TAFA5: variants seen among roughly 807,000 people sequenced by gnomAD.
The protein encoded by TAFA5 is TAFA chemokine like family member 5, also known as chemokine-like protein TAFA-5.
In TAFA5, 6 loss-of-function variants were observed where a neutral mutation model predicts 15.3. The ratio of observed to expected loss-of-function variants is 0.39; its 90% CI spans 0.21 to 0.77. The LOEUF is 0.77. TAFA5 is among the 30% of genes least tolerant of loss of function. The probability of loss-of-function intolerance (pLI) is 0.41; values close to 1 mark genes in which losing one functional copy is unlikely to be tolerated. For missense variants in TAFA5, 161 were observed against 193.1 expected (o/e 0.83, Z 0.98); for synonymous variants, 103 against 80.7 (o/e 1.28, Z -1.48).
intron 1 of TAFA5, among the ~76,000 whole-genome samples, chr22:48,620,516 A>G (rs1925762092): frequency 6.6e-6 from 1 of 150,472 alleles, no homozygotes; most frequent in South Asian, 2.1e-4. Flanking sequence ...TTGTTCTTCT[A>G]TTTTTGTTTT....
intron 3 of TAFA5, among the ~76,000 whole-genome samples, chr22:48,718,390 G>A (rs1929468812): frequency 6.6e-6 from 1 of 152,170 alleles, no homozygotes; most frequent in South Asian, 2.1e-4. Context: ...GGTGGCTGTG[G>A]TTGTGGAGGG....
intron 2 of TAFA5, among the ~76,000 whole-genome samples, chr22:48,671,089 A>G (rs1002618679): frequency 4.6e-5 from 7 of 152,156 alleles, no homozygotes; most frequent in Non-Finnish European, 1.0e-4. Flanking sequence ...ACTGTGCCGT[A>G]TGCTCACACT....
At chr22:48,687,458 T>A (rs932614912) in intron 2 of TAFA5, among the ~76,000 whole-genome samples, 6 of 148,008 alleles carry the variant, frequency 4.1e-5, no homozygotes, top group Admixed American at 4.0e-4. Context: ...TGGGGGGGCA[T>A]CTGTGGATGG....
At chr22:48,693,229 T>C in intron 2 of TAFA5, 1 of 1,480,100 alleles carries the variant, frequency 6.8e-7, no homozygotes, top group Non-Finnish European at 9.2e-7. Context: ...CAGAGCAGCC[T>C]GGCAGGATGA....
chr22:48,540,426 C>T (rs1922323814), intron 1 of TAFA5, among the ~76,000 whole-genome samples: 1 of 152,140 alleles, frequency 6.6e-6, no homozygotes, highest in Non-Finnish European at 1.5e-5. Context: ...TGACACCCGC[C>T]ATGGGAACGA....
At chr22:48,591,551 G>T (rs1469430015) in intron 1 of TAFA5, among the ~76,000 whole-genome samples, 1 of 152,268 alleles carries the variant, frequency 6.6e-6, no homozygotes, top group Non-Finnish European at 1.5e-5. Flanking sequence ...GAGTCATCCT[G>T]CTGGCGCAGG....
chr22:48,691,518 C>G (rs1928540554), intron 2 of TAFA5, among the ~76,000 whole-genome samples: 1 of 152,110 alleles, frequency 6.6e-6, no homozygotes, highest in Non-Finnish European at 1.5e-5. Context: ...TGCTGAGCAC[C>G]CAGGGCAGAT....
At chr22:48,674,683 C>A (rs555748386) in intron 2 of TAFA5, among the ~76,000 whole-genome samples, 1 of 152,204 alleles carries the variant, frequency 6.6e-6, no homozygotes, top group Non-Finnish European at 1.5e-5. Flanking sequence ...CCACACCCCC[C>A]ACAGAAGGAG....
At chr22:48,576,554 C>G in intron 1 of TAFA5, 2 of 1,510,604 alleles carry the variant, frequency 1.3e-6, no homozygotes, top group East Asian at 2.7e-5. Flanking sequence ...GTGATCCACG[C>G]GCAGTTCCTC....
intron 3 of TAFA5, among the ~76,000 whole-genome samples, chr22:48,727,500 A>C (rs1220313568): frequency 6.6e-6 from 1 of 152,250 alleles, no homozygotes; most frequent in East Asian, 1.9e-4. Flanking sequence ...ACTGAGAGTA[A>C]AAAGCAAGTG....
At chr22:48,663,423 A>AGGCAAAG (rs980683548) in intron 2 of TAFA5, among the ~76,000 whole-genome samples, 1 of 152,152 alleles carries the variant, frequency 6.6e-6, no homozygotes, top group Admixed American at 6.5e-5. Flanking sequence ...ACGCAACTGT[A>AGGCAAAG]GGCAAAGGGC....
chr22:48,627,596 G>A (rs2147186729), intron 1 of TAFA5, among the ~76,000 whole-genome samples: 1 of 152,350 alleles, frequency 6.6e-6, no homozygotes, highest in Non-Finnish European at 1.5e-5. Context: ...TTCTTAATGG[G>A]GGCGAGTAGC....
At chr22:48,656,463 G>A (rs1266102676) in intron 2 of TAFA5, among the ~76,000 whole-genome samples, 4 of 151,142 alleles carry the variant, frequency 2.6e-5, no homozygotes, top group African/African-American at 7.3e-5. Flanking sequence ...CCGAGATCGC[G>A]TCACTGAACT....
intron 1 of TAFA5, among the ~76,000 whole-genome samples, chr22:48,553,198 G>A (rs913036004): frequency 7.9e-5 from 12 of 151,978 alleles, no homozygotes; most frequent in African/African-American, 2.7e-4. Flanking sequence ...AGCCCTCCTG[G>A]ACCACCTTGA....
At chr22:48,575,331 C>T (rs1185527350) in intron 1 of TAFA5, among the ~76,000 whole-genome samples, 2 of 151,196 alleles carry the variant, frequency 1.3e-5, no homozygotes, top group African/African-American at 4.8e-5. Context: ...AGGGCGGGGT[C>T]CCCGGGGTCC....
intron 1 of TAFA5, among the ~76,000 whole-genome samples, chr22:48,610,561 C>T (rs926409624): frequency 3.6e-5 from 4 of 111,420 alleles, no homozygotes; most frequent in Non-Finnish European, 8.9e-5. Flanking sequence ...GCAGGCAGCT[C>T]GGGACCACCA....
chr22:48,744,046 G>A lies in TAFA5; in HGVS notation c.391-5793G>A, dbSNP rs536485775. Among the ~76,000 whole-genome samples the A allele has an allele frequency of 5.3e-5, 8 of 152,292 alleles. No individual in the cohort carries two copies. The East Asian group carries it at 5.8e-4, about 11-fold the overall frequency. Reference sequence around the variant, plus strand: ...TGCCGTCGGGGAAGCTCCGAGTTGCGCCTGCCAAGGCTGTTCTGTCGAGAT... The same window carrying A: ...TGCCGTCGGGGAAGCTCCGAGTTGCACCTGCCAAGGCTGTTCTGTCGAGAT... On this transcript the variant is annotated intron_variant, in intron 3 of 3. Transcript: ENST00000402357.
intron 1 of TAFA5, among the ~76,000 whole-genome samples, chr22:48,606,421 G>A (rs959211895): frequency 6.6e-6 from 1 of 152,212 alleles, no homozygotes; most frequent in African/African-American, 2.4e-5. Context: ...TAAGCAGCAG[G>A]CAGGATGATT....
intron 1 of TAFA5, among the ~76,000 whole-genome samples, chr22:48,579,195 G>A (rs1329646359): frequency 6.6e-6 from 1 of 152,182 alleles, no homozygotes; most frequent in African/African-American, 2.4e-5. Context: ...CCGAGAGAGA[G>A]GCAAATTGCG....
Sources: gnomAD v4.1 joint callset for allele counts (sites outside exome capture counted in the v4.1 genomes callset) on GRCh38, gnomAD v4.1.1 for gene constraint, MANE v1.5 for transcripts, NCBI Gene and HGNC (gene_info 2026-07-23, HGNC 2026-07-21) for gene names.